DUSP8: variants seen among roughly 807,000 people sequenced by gnomAD.
DUSP8 encodes the protein dual specificity phosphatase 8.
In DUSP8, 15 loss-of-function variants were observed where a neutral mutation model predicts 38.7. The ratio of observed to expected loss-of-function variants is 0.39; its 90% CI spans 0.26 to 0.60. DUSP8 has a LOEUF of 0.60. Among genes scored for constraint, DUSP8 ranks in the 20% least tolerant of loss-of-function variants. DUSP8 has a pLI of 0.56. For missense variants in DUSP8, 768 were observed against 915.0 expected (o/e 0.84, Z 2.07); for synonymous variants, 458 against 433.9 (o/e 1.06, Z -0.69).
chr11:1,564,033 C>T (rs1230527151), intron 2 of DUSP8, 44 bp from the exon 3 acceptor site: 4 of 1,402,780 alleles, frequency 2.9e-6, no homozygotes, highest in Middle Eastern at 1.9e-4. Context: ...CTCCACCTAT[C>T]GATGCCCTGG....
At position 1,557,696 on chromosome 11, in the gene DUSP8, C is replaced by G. The variant is rs534452918; in HGVS notation, c.821+98G>C. ...GGTCTCAGGCCCTCCTCCCTTGCCACGGGTCCTGGACGGTGGGGTCATTCT... is the reference window on the plus strand; with the variant it reads ...GGTCTCAGGCCCTCCTCCCTTGCCAGGGGTCCTGGACGGTGGGGTCATTCT... On this transcript the variant is annotated intron_variant, in intron 6 of 6. Transcript: ENST00000397374. This position sits in a 1 kb window ranked among gnomAD's most constrained non-coding sequence, Gnocchi z 9.9. The G allele has an allele frequency of 6.9e-4, 1,094 of 1,576,880 alleles. No homozygotes were observed. Among genetic ancestry groups the G allele is most frequent in the Middle Eastern group, 1.4e-3 (6 of 4,286 alleles).
In DUSP8 at chr11:1,558,261, G is replaced by A. The variant is rs776272068; in HGVS notation, c.548C>T (p.Thr183Met). The change falls in exon 5 of 7, where the codon ACG becomes ATG. Residue 183 changes from threonine to methionine, a missense_variant. This residue lies in a region of DUSP8 where 252 missense variants were observed against 410.4 expected (regional missense o/e 0.61). Coordinates refer to ENST00000397374, the MANE Select transcript of DUSP8 (RefSeq NM_004420.3). This position sits in a 1 kb window ranked among gnomAD's most constrained non-coding sequence, Gnocchi z 6.3. ...GAGGACGTAGCTTATTCCATTTTGC[G>A]TCATCAGATCCTGGAGGGGCGGGAG... ...QKDVLNKDLM[T>M]QNGISYVLNA... 5.8e-5 allele frequency: 59 copies of A among 1,025,258 alleles called. No individual in the cohort carries two copies. Among genetic ancestry groups the A allele is most frequent in the East Asian group, 3.3e-4 (6 of 18,280 alleles). The allele number at this position is 1,025,258 out of a possible 1,614,324, so 63.5% of individuals were successfully genotyped here.
upstream of DUSP8, among the ~76,000 whole-genome samples, chr11:1,572,522 G>A (rs1848923959): frequency 6.6e-6 from 1 of 151,552 alleles, no homozygotes; most frequent in South Asian, 2.1e-4. This position sits in a 1 kb window ranked among gnomAD's most constrained non-coding sequence, Gnocchi z 4.7. Context: ...ACCACGCGGC[G>A]TCCGGGACCC....
chr11:1,570,801 C>T (rs1334434391), intron 1 of DUSP8, among the ~76,000 whole-genome samples: 1 of 152,128 alleles, frequency 6.6e-6, no homozygotes, highest in Non-Finnish European at 1.5e-5. Flanking sequence ...GCTACATTCA[C>T]CCCTGGACCG....
At chr11:1,561,689 G>A (rs1848719112) in intron 3 of DUSP8, among the ~76,000 whole-genome samples, 1 of 152,248 alleles carries the variant, frequency 6.6e-6, no homozygotes, top group South Asian at 2.1e-4. Flanking sequence ...GCTGTGGGGA[G>A]GACAGAGGCT....
At chr11:1,560,920 A>C (rs1848708085) in intron 3 of DUSP8, among the ~76,000 whole-genome samples, 1 of 152,068 alleles carries the variant, frequency 6.6e-6, no homozygotes, top group Non-Finnish European at 1.5e-5. Flanking sequence ...CTCCCAGAGG[A>C]GGTAAAGGCA....
In DUSP8 at chr11:1,557,469, G is replaced by T. The variant is rs1251976057; in HGVS notation, c.927C>A (p.Asp309Glu). The T allele has an allele frequency of 1.3e-6, 2 of 1,564,774 alleles. No homozygotes were observed. The highest frequency in any genetic ancestry group is 1.7e-6 in the Non-Finnish European group (2 of 1,166,704). Reference protein sequence around the residue: ...SLKLLAALQGDPGTPSGTPEP... With the variant: ...SLKLLAALQGEPGTPSGTPEP... ...CCGGCGTCCCTGAGGGGGTGCCCGG[G>T]TCGCCCTGCAGGGCGGCCAGCAGCT... is the stretch of plus-strand genomic sequence containing the variant. Residue 309 changes from aspartate (D) to glutamate (E), a missense_variant, in exon 7 of 7, where the codon GAC (aspartate) becomes GAA (glutamate). Physicochemically the swap from Asp to Glu is conservative, Grantham distance 45. Coordinates refer to ENST00000397374, the MANE Select transcript of DUSP8 (RefSeq NM_004420.3). The surrounding 1 kb of genome is among the most constrained non-coding windows in gnomAD (Gnocchi z 9.9).
chr11:1,572,276 G>A (rs1407388187), upstream of DUSP8, among the ~76,000 whole-genome samples: 1 of 149,194 alleles, frequency 6.7e-6, no homozygotes, highest in Non-Finnish European at 1.5e-5. This position sits in a 1 kb window ranked among gnomAD's most constrained non-coding sequence, Gnocchi z 4.7. Flanking sequence ...GCGAGTGACA[G>A]GCCCGGGGCG....
chr11:1,565,341 G>A (rs1472319429), intron 2 of DUSP8, among the ~76,000 whole-genome samples: 2 of 152,236 alleles, frequency 1.3e-5, no homozygotes, highest in East Asian at 3.9e-4. Flanking sequence ...CTGTGCAGAA[G>A]CTGAGCAAGG....
At chr11:1,564,939 TAGA>T (rs1848779208) in intron 2 of DUSP8, among the ~76,000 whole-genome samples, 1 of 152,152 alleles carries the variant, frequency 6.6e-6, no homozygotes, top group Admixed American at 6.5e-5. Context: ...TGCGAGGCAG[TAGA>T]AGGAGGAGGT....
At chr11:1,565,494 T>A in intron 2 of DUSP8, 102 bp downstream of exon 2, 1 of 936,870 alleles carries the variant, frequency 1.1e-6, no homozygotes, top group South Asian at 1.6e-5. Context: ...AGGAGTCGAG[T>A]TTGGACTGGA....
In DUSP8 at chr11:1,558,274, G is replaced by A. The variant is rs759133183; in HGVS notation, c.538-3C>T. ...ATTCCATTTTGCGTCATCAGATCCT[G>A]GAGGGGCGGGAGGGCGGGTTGGAAA... is the stretch of plus-strand genomic sequence containing the variant. On this transcript the variant is annotated splice_polypyrimidine_tract_variant and splice_region_variant and intron_variant, in intron 4 of 6. Transcript: ENST00000397374. The surrounding 1 kb of genome is among the most constrained non-coding windows in gnomAD (Gnocchi z 6.3). The A allele has an allele frequency of 7.8e-6, 12 of 1,543,746 alleles. No homozygotes were observed. Among genetic ancestry groups the A allele is most frequent in the Non-Finnish European group, 8.8e-6 (10 of 1,135,772 alleles).
At chr11:1,563,747 G>A in intron 3 of DUSP8, 104 bp downstream of exon 3, 1 of 1,244,400 alleles carries the variant, frequency 8.0e-7, no homozygotes, top group Non-Finnish European at 1.1e-6. Flanking sequence ...GATGTATGGA[G>A]ATCCCCCCGT....
intron 3 of DUSP8, among the ~76,000 whole-genome samples, chr11:1,561,665 C>T (rs577505406): frequency 2.0e-5 from 3 of 152,346 alleles, no homozygotes; most frequent in East Asian, 1.9e-4. Flanking sequence ...TCCCGCTTCC[C>T]GCAAACCTGC....
chr11:1,556,185 C>T lies in DUSP8; in HGVS notation c.*333G>A, dbSNP rs544518248. 543 of 246,036 alleles carry T rather than the reference C, an allele frequency of 2.2e-3. 2 individuals are homozygous for T. The highest frequency in any genetic ancestry group is 3.5e-3 in the Non-Finnish European group (451 of 129,772). 15.2% of individuals were successfully genotyped at this position (246,036 alleles called of 1,614,324 possible). ...GTTATGTAAAAAGTGCACGAAAGCT[C>T]GGCAGCCTTTGCAAAGGTCAGCAGT... is the stretch of plus-strand genomic sequence containing the variant. On this transcript the variant is annotated 3_prime_UTR_variant, in exon 7 of 7. Transcript: ENST00000397374. This position sits in a 1 kb window ranked among gnomAD's most constrained non-coding sequence, Gnocchi z 5.2.
chr11:1,564,055 A>G, intron 2 of DUSP8, 66 bp from the exon 3 acceptor site: 1 of 1,370,386 alleles, frequency 7.3e-7, no homozygotes, highest in African/African-American at 1.5e-5. Flanking sequence ...CCCGTCCCAG[A>G]TATGCTGGCT....
chr11:1,555,361 G>A lies in DUSP8; in HGVS notation c.*1157C>T. The A allele has an allele frequency of 1.0e-6, 1 of 987,640 alleles. No homozygotes were observed. The highest frequency in any genetic ancestry group is 4.7e-5 in the South Asian group (1 of 21,372). 61.2% of individuals were successfully genotyped at this position (987,640 alleles called of 1,614,324 possible). On this transcript the variant is annotated 3_prime_UTR_variant, in exon 7 of 7. Coordinates refer to ENST00000397374, the MANE Select transcript of DUSP8 (RefSeq NM_004420.3). Reference sequence around the variant, plus strand: ...AGGCAGTGCTCCCTAAGTGAAGCAGGCCTATCCCAGCAGCACAGGGGCTTG... The same window carrying A: ...AGGCAGTGCTCCCTAAGTGAAGCAGACCTATCCCAGCAGCACAGGGGCTTG...
At chr11:1,566,251 C>T (rs1439820822) in intron 1 of DUSP8, among the ~76,000 whole-genome samples, 5 of 152,110 alleles carry the variant, frequency 3.3e-5, no homozygotes, top group Non-Finnish European at 5.9e-5. Flanking sequence ...CCCTGGGACA[C>T]AGGCATCTCC....
rs770396091 is a variant in DUSP8 at position 1,557,378 on chromosome 11, C to T, written c.1018G>A (p.Ala340Thr). ...PRLPPPTSES[A>T]ATGNAAAREG... ...CTGGCAGCCGCATTCCCTGTGGCAG[C>T]GCTCTCTGAGGTAGGTGGTGGCAGC... The change falls in exon 7 of 7, where the codon GCT (alanine) becomes ACT (threonine). Residue 340 changes from alanine to threonine, a missense_variant. Ala to Thr is a moderately conservative substitution (Grantham distance 58). Transcript: ENST00000397374. The surrounding 1 kb of genome is among the most constrained non-coding windows in gnomAD (Gnocchi z 9.9). 6 of 1,569,376 alleles carry T rather than the reference C, an allele frequency of 3.8e-6. No homozygotes were observed. The highest frequency in any genetic ancestry group is 2.4e-5 in the East Asian group (1 of 41,584).
Sources: gnomAD v4.1 joint callset for allele counts (sites outside exome capture counted in the v4.1 genomes callset) on GRCh38, gnomAD v4.1.1 for gene constraint, gnomAD v4.1.1 regional missense constraint, Gnocchi (gnomAD v3.1) non-coding constraint, MANE v1.5 for transcripts, NCBI Gene and HGNC (gene_info 2026-07-23, HGNC 2026-07-21) for gene names.